OTUD7A: variants seen among roughly 807,000 people sequenced by gnomAD.
OTUD7A encodes the protein OTU domain-containing protein 7A.
In OTUD7A, 12 loss-of-function variants were observed where a neutral mutation model predicts 65.7. The ratio of observed to expected loss-of-function variants is 0.18; its 90% CI spans 0.12 to 0.30. The LOEUF is 0.30. Ranked by LOEUF, OTUD7A falls within the 10% of genes least tolerant of loss-of-function variation. The pLI is 1.00. For synonymous variants in OTUD7A, 641 were observed against 586.3 expected (o/e 1.09, Z -1.35); for missense variants, 1,148 against 1,304.8 (o/e 0.88, Z 1.85).
intron 3 of OTUD7A, among the ~76,000 whole-genome samples, chr15:31,583,626 G>T (rs762888235): frequency 6.6e-6 from 1 of 151,622 alleles, no homozygotes; most frequent in Non-Finnish European, 1.5e-5. Context: ...TCTCTCTCTT[G>T]CCTGCCACCA....
At chr15:31,493,177 T>G (rs2041341756) in intron 10 of OTUD7A, among the ~76,000 whole-genome samples, 1 of 151,720 alleles carries the variant, frequency 6.6e-6, no homozygotes, top group African/African-American at 2.4e-5. Context: ...AGAATCCCAT[T>G]TTAAATATAA....
chr15:31,579,277 A>G (rs533669674), intron 3 of OTUD7A, among the ~76,000 whole-genome samples: 6 of 152,340 alleles, frequency 3.9e-5, no homozygotes, highest in African/African-American at 1.4e-4. Flanking sequence ...GTAATAAAAA[A>G]TATCTTTTTC....
rs2041081770 is a variant in OTUD7A, at chr15:31,479,516, A to G, written c.*3778T>C. On this transcript the variant is annotated 3_prime_UTR_variant, in exon 13 of 13. Transcript: ENST00000307050. ...CTCACATGGAATGGAACTTACACACATGGATTTGGAAAAGTCTGTTTTTTC... is the reference window on the plus strand; with the variant it reads ...CTCACATGGAATGGAACTTACACACGTGGATTTGGAAAAGTCTGTTTTTTC... 2 of 152,214 alleles carry G rather than the reference A, an allele frequency of 1.3e-5. No individual in the cohort carries two copies. Among genetic ancestry groups the G allele is most frequent in the African/African-American group, 2.4e-5 (1 of 41,468 alleles). The allele number at this position is 152,214 out of a possible 1,614,324, so 9.4% of individuals were successfully genotyped here. A position where few individuals can be genotyped will look rare whatever the true frequency, so the allele number is the denominator to read the frequency against.
At chr15:31,742,689 G>A (rs1894374699) in intron 1 of OTUD7A, among the ~76,000 whole-genome samples, 1 of 151,986 alleles carries the variant, frequency 6.6e-6, no homozygotes, top group African/African-American at 2.4e-5. Flanking sequence ...TTAAGTCAGA[G>A]ATAGAAAAGC....
chr15:31,774,811 A>G (rs1024433875), intron 1 of OTUD7A, among the ~76,000 whole-genome samples: 2 of 152,096 alleles, frequency 1.3e-5, no homozygotes, highest in Non-Finnish European at 2.9e-5. Flanking sequence ...GCAAAAGCTT[A>G]TAACACTTGT....
intron 3 of OTUD7A, among the ~76,000 whole-genome samples, chr15:31,628,491 T>C (rs1327685588): frequency 6.6e-6 from 1 of 152,226 alleles, no homozygotes; most frequent in East Asian, 1.9e-4. Flanking sequence ...TTTTGGTTAC[T>C]GTAGCCTTGT....
chr15:31,856,332 G>A (rs1002669575), intron 1 of OTUD7A, among the ~76,000 whole-genome samples: 2 of 152,068 alleles, frequency 1.3e-5, no homozygotes, highest in African/African-American at 2.4e-5. Flanking sequence ...GGGGATTGAG[G>A]GAAGAAAATG....
At chr15:31,555,851 T>TTTTTTTTTTTTTC (rs1555396070) in intron 5 of OTUD7A, 22,189 of 102,910 alleles carry the variant, frequency 0.22, 2,110 homozygotes, top group Middle Eastern at 0.3. Context: ...GTTCTTTTTC[T>TTTTTTTTTTTTTC]TTTTTTTTTT....
rs776230181 is a variant in OTUD7A, at chr15:31,487,178, G to A, written c.1371+16C>T. The A allele has an allele frequency of 1.9e-6, 3 of 1,611,212 alleles. No homozygotes were observed. The African/African-American group carries it at 4.0e-5, about 22-fold the overall frequency. Reference sequence around the variant, plus strand: ...GACCCTGCTGCCAGGTCTGGTCCCAGCACAGCCAGGCTCACCCGTGTCTCG... The same window carrying A: ...GACCCTGCTGCCAGGTCTGGTCCCAACACAGCCAGGCTCACCCGTGTCTCG... On this transcript the variant is annotated intron_variant, in intron 12 of 12. Coordinates refer to ENST00000307050, the MANE Select transcript of OTUD7A (RefSeq NM_001382637.1). This position sits in a 1 kb window ranked among gnomAD's most constrained non-coding sequence, Gnocchi z 6.0.
At chr15:31,569,921 G>C (rs1344644499) in intron 4 of OTUD7A, 97 bp downstream of exon 4, 4 of 1,346,396 alleles carry the variant, frequency 3.0e-6, no homozygotes, top group Middle Eastern at 5.3e-4. Context: ...CATCCGGGAG[G>C]TGATGACCCC....
chr15:31,768,170 TA>T, intron 1 of OTUD7A: 1 of 1,483,082 alleles, frequency 6.7e-7, no homozygotes, highest in Non-Finnish European at 9.4e-7. Flanking sequence ...GGTGGCCCGA[TA>T]AGGCCCGGGA....
At chr15:31,846,814 A>G (rs1222066417) in intron 1 of OTUD7A, among the ~76,000 whole-genome samples, 1 of 152,246 alleles carries the variant, frequency 6.6e-6, no homozygotes, top group Admixed American at 6.5e-5. Context: ...TTTTTCGCAT[A>G]TATGATTATT....
At chr15:31,823,529 C>A (rs1415312932) in intron 1 of OTUD7A, among the ~76,000 whole-genome samples, 1 of 152,210 alleles carries the variant, frequency 6.6e-6, no homozygotes, top group African/African-American at 2.4e-5. Context: ...ATATCTGTTA[C>A]ATAAATATCC....
intron 1 of OTUD7A, among the ~76,000 whole-genome samples, chr15:31,790,397 TG>T (rs1443290579): frequency 6.6e-6 from 1 of 152,218 alleles, no homozygotes; most frequent in Non-Finnish European, 1.5e-5. Context: ...CTTCATGTTA[TG>T]AGAACAGTGA....
intron 1 of OTUD7A, among the ~76,000 whole-genome samples, chr15:31,733,667 C>T (rs1425767063): frequency 6.6e-6 from 1 of 152,154 alleles, no homozygotes; most frequent in Non-Finnish European, 1.5e-5. Flanking sequence ...GGCCATAATA[C>T]CCGACAAATA....
intron 10 of OTUD7A, among the ~76,000 whole-genome samples, chr15:31,496,817 G>A (rs1239161059): frequency 1.3e-5 from 2 of 152,148 alleles, no homozygotes; most frequent in Non-Finnish European, 2.9e-5. Flanking sequence ...ACTCTGTTTG[G>A]CTCCCAAGAT....
chr15:31,502,625 C>T (rs1299385889), intron 9 of OTUD7A, among the ~76,000 whole-genome samples: 1 of 152,202 alleles, frequency 6.6e-6, no homozygotes, highest in Non-Finnish European at 1.5e-5. Context: ...GACTGAGAGG[C>T]GACAGGGTGG....
intron 1 of OTUD7A, among the ~76,000 whole-genome samples, chr15:31,663,145 T>A (rs1761700682): frequency 6.6e-6 from 1 of 151,576 alleles, no homozygotes; most frequent in Non-Finnish European, 1.5e-5. Context: ...TATTACATAC[T>A]ATGAGATGTT....
At chr15:31,641,207 C>T (rs887899184) in intron 3 of OTUD7A, among the ~76,000 whole-genome samples, 1 of 152,058 alleles carries the variant, frequency 6.6e-6, no homozygotes. Flanking sequence ...GCACTCACTC[C>T]ATCCTGCTGC....
Sources: gnomAD v4.1 joint callset for allele counts (sites outside exome capture counted in the v4.1 genomes callset) on GRCh38, gnomAD v4.1.1 for gene constraint, Gnocchi (gnomAD v3.1) non-coding constraint, MANE v1.5 for transcripts, NCBI Gene and HGNC (gene_info 2026-07-23, HGNC 2026-07-21) for gene names.